The following DLG2 variants were observed in gnomAD, a reference collection of about 807,000 sequenced individuals.
DLG2 encodes the protein disks large homolog 2.
In DLG2, 45 loss-of-function variants were observed where a neutral mutation model predicts 132.5. The ratio of observed to expected loss-of-function variants is 0.34; its 90% CI spans 0.27 to 0.44. The LOEUF (loss-of-function observed/expected upper bound fraction) is 0.44, where lower values mean the gene tolerates loss of function less well. Among genes scored for constraint, DLG2 ranks in the 20% least tolerant of loss-of-function variants. DLG2 has a pLI of 1.00. For missense variants in DLG2, 1,045 were observed against 1,196.9 expected (o/e 0.87, Z 1.87); for synonymous variants, 424 against 419.6 (o/e 1.01, Z -0.13).
At chr11:84,088,133 G>A (rs182800244) in intron 10 of DLG2, among the ~76,000 whole-genome samples, 6 of 152,122 alleles carry the variant, frequency 3.9e-5, no homozygotes, top group Admixed American at 2.6e-4. Flanking sequence ...TTTAATTGAC[G>A]AACTCCAAGT....
chr11:84,830,044 A>G (rs2078829155), intron 6 of DLG2, among the ~76,000 whole-genome samples: 2 of 151,636 alleles, frequency 1.3e-5, no homozygotes, highest in South Asian at 2.1e-4. Flanking sequence ...AAAAACATCT[A>G]TCATTATATA....
chr11:83,809,970 G>T (rs1291108523), intron 17 of DLG2, among the ~76,000 whole-genome samples: 1 of 152,136 alleles, frequency 6.6e-6, no homozygotes. Context: ...CCAGGAAAAA[G>T]TATGGATTTT....
intron 3 of DLG2, among the ~76,000 whole-genome samples, chr11:85,408,725 C>T (rs1408406041): frequency 6.6e-6 from 1 of 151,744 alleles, no homozygotes; most frequent in African/African-American, 2.4e-5. Flanking sequence ...AGGACATGAA[C>T]TCATCATTTT....
At chr11:84,312,580 G>A (rs2098298861) in intron 7 of DLG2, among the ~76,000 whole-genome samples, 1 of 152,062 alleles carries the variant, frequency 6.6e-6, no homozygotes, top group Admixed American at 6.6e-5. Context: ...TAACTTCTCT[G>A]TGGTTCCTCT....
intron 7 of DLG2, among the ~76,000 whole-genome samples, chr11:84,316,637 AC>A (rs1451367709): frequency 1.3e-5 from 2 of 152,174 alleles, no homozygotes; most frequent in Admixed American, 1.3e-4. Context: ...GCATCCCTAG[AC>A]TTTCACAGGC....
At chr11:85,508,603 G>C (rs549271358) in intron 3 of DLG2, among the ~76,000 whole-genome samples, 182 of 151,994 alleles carry the variant, frequency 1.2e-3, no homozygotes, top group Middle Eastern at 6.8e-3. Context: ...CATCTATTTT[G>C]TTAACTGATA....
intron 6 of DLG2, among the ~76,000 whole-genome samples, chr11:84,550,115 TACACAC>T (rs60598747): frequency 0.12 from 17,132 of 145,852 alleles, 1,017 homozygotes; most frequent in South Asian, 0.21. Context: ...AACGAGCCTA[TACACAC>T]ACACACACAC....
At chr11:85,070,516 C>T (rs1409578471) in intron 6 of DLG2, among the ~76,000 whole-genome samples, 2 of 151,636 alleles carry the variant, frequency 1.3e-5, no homozygotes, top group Non-Finnish European at 1.5e-5. Context: ...TAGACTTAAC[C>T]AATGCACAAT....
intron 7 of DLG2, among the ~76,000 whole-genome samples, chr11:84,396,300 T>C (rs992031609): frequency 1.3e-5 from 2 of 152,216 alleles, no homozygotes; most frequent in African/African-American, 4.8e-5. Flanking sequence ...CATAGTTTTA[T>C]AGTTAATTTT....
At chr11:83,617,098 C>A (rs565111771) in intron 19 of DLG2, among the ~76,000 whole-genome samples, 7 of 152,258 alleles carry the variant, frequency 4.6e-5, no homozygotes, top group Middle Eastern at 3.4e-3. Flanking sequence ...CTTCATTTTT[C>A]TGTGTTTTGC....
chr11:85,193,413 T>G (rs1047800344), intron 4 of DLG2, among the ~76,000 whole-genome samples: 1 of 152,224 alleles, frequency 6.6e-6, no homozygotes, highest in Non-Finnish European at 1.5e-5. Flanking sequence ...TATTTTCAGT[T>G]GTCTTGAATA....
chr11:84,969,406 C>T (rs1370554582), intron 6 of DLG2, among the ~76,000 whole-genome samples: 1 of 152,136 alleles, frequency 6.6e-6, no homozygotes, highest in Non-Finnish European at 1.5e-5. Flanking sequence ...ACCACAGTGG[C>T]TCTCATTCTC....
At chr11:83,886,526 A>G (rs908203405) in intron 15 of DLG2, among the ~76,000 whole-genome samples, 1 of 152,246 alleles carries the variant, frequency 6.6e-6, no homozygotes, top group Admixed American at 6.5e-5. Flanking sequence ...ACTGTCAACA[A>G]TAGACAGATG....
At chr11:84,519,956 T>A (rs959167469) in intron 7 of DLG2, among the ~76,000 whole-genome samples, 1 of 152,182 alleles carries the variant, frequency 6.6e-6, no homozygotes, top group Non-Finnish European at 1.5e-5. Context: ...AAAGGGGTCA[T>A]AGTTTTTCAA....
rs1251973675 is a variant in DLG2 at position 85,163,804 on chromosome 11, T to C, written c.187-9153A>G. 2.0e-5 allele frequency among the ~76,000 whole-genome samples: 3 copies of C among 152,268 alleles called. No homozygotes were observed. In the East Asian group the frequency reaches 5.8e-4, roughly 29 times the overall value. ...TAGCTGAGTTGGATGCCTTGGATTG[T>C]AGGGGAGAAAAAAATAGCTTTCCTC... On this transcript the variant is annotated intron_variant, in intron 4 of 27. Coordinates refer to ENST00000376104, the MANE Select transcript of DLG2 (RefSeq NM_001142699.3).
intron 3 of DLG2, among the ~76,000 whole-genome samples, chr11:85,443,844 G>A (rs2091893253): frequency 6.6e-6 from 1 of 152,058 alleles, no homozygotes; most frequent in Non-Finnish European, 1.5e-5. Flanking sequence ...CTTTTATCAA[G>A]CTGTTCTTTG....
At chr11:84,701,936 C>A (rs929408324) in intron 6 of DLG2, among the ~76,000 whole-genome samples, 3 of 151,570 alleles carry the variant, frequency 2.0e-5, no homozygotes, top group African/African-American at 7.3e-5. Flanking sequence ...TCGAAATCGT[C>A]ATCCACAATT....
intron 18 of DLG2, among the ~76,000 whole-genome samples, chr11:83,649,771 G>A (rs1035406753): frequency 6.6e-6 from 1 of 152,128 alleles, no homozygotes; most frequent in Non-Finnish European, 1.5e-5. Flanking sequence ...GTAGGAGGAA[G>A]GGAGGCATAA....
intron 7 of DLG2, among the ~76,000 whole-genome samples, chr11:84,373,260 A>C (rs1487807865): frequency 9.7e-6 from 1 of 102,896 alleles, no homozygotes; most frequent in Non-Finnish European, 2.2e-5. Context: ...AAAAAAAAAA[A>C]AAAACAAAAC....
Sources: allele counts gnomAD v4.1 joint callset (sites outside exome capture counted in the v4.1 genomes callset), GRCh38; gene constraint gnomAD v4.1.1; transcripts MANE v1.5; gene names NCBI Gene and HGNC (gene_info 2026-07-23, HGNC 2026-07-21).